The following FUBP1 variants were observed in gnomAD, a reference collection of about 807,000 sequenced individuals.
FUBP1 encodes far upstream element binding protein 1, also known as far upstream element-binding protein 1.
A neutral mutation model predicts 94.9 loss-of-function variants in FUBP1; 16 were observed. The observed-to-expected ratio is 0.17, with a 90% confidence interval of 0.11 to 0.26. FUBP1 has a LOEUF of 0.26. Ranked by LOEUF, FUBP1 falls within the 10% of genes least tolerant of loss-of-function variation. FUBP1 has a pLI of 1.00. For missense variants in FUBP1, 583 were observed against 808.6 expected, an observed-to-expected ratio of 0.72 and a Z score of 3.38; for synonymous variants, 279 against 254.9, an observed-to-expected ratio of 1.09 and a Z score of -0.90.
intron 18 of FUBP1, 83 bp downstream of exon 18, chr1:77,955,172 T>G (rs1438105549): frequency 1.5e-6 from 1 of 676,500 alleles, no homozygotes; most frequent in African/African-American, 1.9e-5. Flanking sequence ...TCCAGTGATT[T>G]TATTCAATTA....
At chr1:77,971,501 A>C (rs1455128486) in intron 1 of FUBP1, among the ~76,000 whole-genome samples, 3 of 152,042 alleles carry the variant, frequency 2.0e-5, no homozygotes, top group Non-Finnish European at 4.4e-5. Flanking sequence ...CCATATACTA[A>C]CTTCATCAGA....
chr1:77,945,799 T>C lies in FUBP1; in HGVS notation c.*2967A>G, dbSNP rs74092337. 5.3e-3 allele frequency: 1,136 copies of C among 213,146 alleles called. 16 individuals carry two copies. The highest frequency in any genetic ancestry group is 0.024 in the African/African-American group (1,075 of 44,388). The allele number at this position is 213,146 out of a possible 1,614,324, so 13.2% of individuals were successfully genotyped here. On this transcript the variant is annotated 3_prime_UTR_variant, in exon 20 of 20. Coordinates refer to ENST00000370768, the MANE Select transcript of FUBP1 (RefSeq NM_003902.5). Reference sequence around the variant, plus strand: ...CAACTTAACTCAAAATATGTACCAGTTAAAATCATCTATAAAAACACACAA... The same window carrying C: ...CAACTTAACTCAAAATATGTACCAGCTAAAATCATCTATAAAAACACACAA...
rs1652638886 is a variant in FUBP1 at position 77,948,444 on chromosome 1, T to C, written c.*322A>G. 9.6e-6 allele frequency: 11 copies of C among 1,140,192 alleles called. No homozygotes were observed. The highest frequency in any genetic ancestry group is 1.1e-5 in the Non-Finnish European group (10 of 927,576). The allele number at this position is 1,140,192 out of a possible 1,614,324, so 70.6% of individuals were successfully genotyped here. A position where few individuals can be genotyped will look rare whatever the true frequency, so the allele number is the denominator to read the frequency against. On this transcript the variant is annotated 3_prime_UTR_variant, in exon 20 of 20. Transcript: ENST00000370768. ...TTTATTGTAAAGCACAAAACAGGCA[T>C]TTTAAAAGTGAAAGTATACATTGAA...
At chr1:77,951,332 T>C (rs1653426094) in intron 18 of FUBP1, among the ~76,000 whole-genome samples, 1 of 152,242 alleles carries the variant, frequency 6.6e-6, no homozygotes, top group Non-Finnish European at 1.5e-5. Context: ...GTAAACACTT[T>C]AGACTTTAAG....
intron 1 of FUBP1, among the ~76,000 whole-genome samples, chr1:77,973,730 T>C (rs1057126863): frequency 1.9e-4 from 28 of 144,224 alleles, no homozygotes; most frequent in Non-Finnish European, 3.5e-4. Flanking sequence ...AAAGACACAG[T>C]AGTCTCTTTA....
chr1:77,965,845 G>C (rs912354787), intron 7 of FUBP1, among the ~76,000 whole-genome samples: 13 of 152,164 alleles, frequency 8.5e-5, no homozygotes, highest in Non-Finnish European at 1.9e-4. Flanking sequence ...TCAAGAGATT[G>C]AGACCATCCC....
In FUBP1 at chr1:77,978,939, A is replaced by ACCG. The variant is rs780773599; in HGVS notation, c.63_65dup (p.Gly26dup). On this transcript the variant is annotated inframe_insertion, in exon 1 of 20. Transcript: ENST00000370768. Reference sequence around the variant, plus strand: ...AAGCGTCGTTAACTCCTCCACCACCACCGCCGCCACCACCGCCACCAGCTG... The same window carrying ACCG: ...AAGCGTCGTTAACTCCTCCACCACCACCGCCGCCGCCACCACCGCCACCAGCTG... The ACCG allele has an allele frequency of 6.8e-6, 11 of 1,611,300 alleles. No homozygotes were observed. The South Asian group carries it at 7.7e-5, about 11-fold the overall frequency.
chr1:77,961,572 C>A (rs1655488237), intron 14 of FUBP1, among the ~76,000 whole-genome samples: 2 of 152,124 alleles, frequency 1.3e-5, no homozygotes, highest in Non-Finnish European at 2.9e-5. Context: ...CAGGAGGAAA[C>A]CAAGGCACAG....
chr1:77,957,140 C>T (rs1409183607), intron 16 of FUBP1, among the ~76,000 whole-genome samples: 1 of 152,140 alleles, frequency 6.6e-6, no homozygotes, highest in African/African-American at 2.4e-5. Flanking sequence ...GAACTTTGTC[C>T]TTATTTTCAA....
chr1:77,968,267 A>T (rs1049002322), intron 2 of FUBP1, 64 bp from the exon 3 acceptor site: 6 of 855,312 alleles, frequency 7.0e-6, no homozygotes, highest in Non-Finnish European at 1.1e-5. Flanking sequence ...CCTCCCAAAC[A>T]AGAATAAATA....
chr1:77,958,479 T>C (rs948350758), intron 16 of FUBP1, among the ~76,000 whole-genome samples: 3 of 152,238 alleles, frequency 2.0e-5, no homozygotes, highest in African/African-American at 7.2e-5. Context: ...TTAGTTCATA[T>C]AATATTAAAA....
intron 1 of FUBP1, 108 bp downstream of exon 1, chr1:77,978,777 G>T (rs1043055336): frequency 7.4e-7 from 1 of 1,354,290 alleles, no homozygotes; most frequent in Non-Finnish European, 1.0e-6. Flanking sequence ...ATTTCAGCCC[G>T]GAAGAACACC....
At chr1:77,963,799 A>C in intron 12 of FUBP1, 84 bp from the exon 13 acceptor site, 1 of 1,142,456 alleles carries the variant, frequency 8.8e-7, no homozygotes, top group Non-Finnish European at 1.2e-6. Context: ...TATTTTTCCC[A>C]GCTCTCATAT....
rs1322607314 is a variant in FUBP1 at position 77,950,078 on chromosome 1, A to C, written c.1781-778T>G. Among the ~76,000 whole-genome samples, 3 of 152,258 alleles carry C rather than the reference A, an allele frequency of 2.0e-5. No individual in the cohort carries two copies. In the East Asian group the frequency reaches 5.8e-4, roughly 29 times the overall value. ...ACGCATGAATCTTGAATGTACTCTGAATTAAACAAAACACACAGACGACAA... is the reference window on the plus strand; with the variant it reads ...ACGCATGAATCTTGAATGTACTCTGCATTAAACAAAACACACAGACGACAA... On this transcript the variant is annotated intron_variant, in intron 18 of 19. Transcript: ENST00000370768.
At chr1:77,955,389 C>T (rs1184563462) in intron 17 of FUBP1, 60 bp from the exon 18 acceptor site, 10 of 1,005,636 alleles carry the variant, frequency 9.9e-6, no homozygotes, top group East Asian at 4.8e-5. Context: ...CAATTTTGGC[C>T]GTTTCCTTGG....
chr1:77,970,746 T>C (rs549468674), intron 1 of FUBP1, among the ~76,000 whole-genome samples: 38 of 152,238 alleles, frequency 2.5e-4, no homozygotes, highest in African/African-American at 8.7e-4. Flanking sequence ...CTGAACCAAT[T>C]TAAGAAATAC....
rs1265243976 is a variant in FUBP1 at position 77,966,641 on chromosome 1, A to G, written c.473+53T>C. On this transcript the variant is annotated intron_variant, in intron 7 of 19. Transcript: ENST00000370768. ...GTAACAAAGAGAAGAGACAAAATTC[A>G]AAGAGTTCTGCTGTTGTTACTTAAG... is the stretch of plus-strand genomic sequence containing the variant. 4 of 882,142 alleles carry G rather than the reference A, an allele frequency of 4.5e-6. No homozygotes were observed. In the African/African-American group the frequency reaches 6.7e-5, roughly 15 times the overall value. 54.6% of individuals were successfully genotyped at this position (882,142 alleles called of 1,614,324 possible). A position where few individuals can be genotyped will look rare whatever the true frequency, so the allele number is the denominator to read the frequency against.
chr1:77,978,972 A>G lies in FUBP1; in HGVS notation c.33T>C (p.Ser11=), dbSNP rs1025863548. The G allele has an allele frequency of 1.9e-6, 3 of 1,613,708 alleles. No individual in the cohort carries two copies. In the East Asian group the frequency reaches 6.7e-5, roughly 36 times the overall value. The change falls in exon 1 of 20, where the codon TCT becomes TCC. Residue 11 remains serine (S), a synonymous_variant. Transcript: ENST00000370768. ...CACCACCGCCACCAGCTGAGCCAGA[A>G]GAGGGGGGAGGCACTGTTGAATAGT... MADYSTVPPP[S]SGSAGGGGGG... is the part of the protein sequence containing the mutation.
At chr1:77,960,320 C>A (rs1048508448) in intron 15 of FUBP1, 24 bp downstream of exon 15, 2 of 1,612,904 alleles carry the variant, frequency 1.2e-6, no homozygotes, top group East Asian at 4.5e-5. Flanking sequence ...TTGGGGAAAG[C>A]CCAGAACTAA....
Sources: gnomAD v4.1 joint callset for allele counts (sites outside exome capture counted in the v4.1 genomes callset) on GRCh38, gnomAD v4.1.1 for gene constraint, MANE v1.5 for transcripts, NCBI Gene and HGNC (gene_info 2026-07-23, HGNC 2026-07-21) for gene names.